SEC16B: variants seen among roughly 807,000 people sequenced by gnomAD.
The protein encoded by SEC16B is protein transport protein Sec16B.
In SEC16B, 115 loss-of-function variants were observed where a neutral mutation model predicts 141.8. The observed-to-expected ratio is 0.81, with a 90% CI of 0.70 to 0.95. SEC16B has a LOEUF of 0.95. SEC16B is among the 40% of genes least tolerant of loss of function. The pLI, the probability that SEC16B is intolerant of heterozygous loss-of-function variation, is 0.00. For synonymous variants in SEC16B, 493 were observed against 492.5 expected (o/e 1.00, Z -0.01); for missense variants, 1,291 against 1,312.3 (o/e 0.98, Z 0.25).
At chr1:177,968,504 T>C (rs1274229824) in intron 1 of SEC16B, among the ~76,000 whole-genome samples, 1 of 152,186 alleles carries the variant, frequency 6.6e-6, no homozygotes, top group Non-Finnish European at 1.5e-5. Flanking sequence ...CAAGCCTCAA[T>C]TTCCTTACCC....
Position 177,960,343 on chromosome 1 carries a change from TA to T in SEC16B, c.996del (p.Arg333GlyfsTer10). Reference protein sequence around the residue: ...EEMRSFSGPLIREDVHKVDIM... With the variant: ...EEMRSFSGPLXREDVHKVDIM... ...TCAGCAGCTCTTACAGCACTATACC[TA>T]ATCAAGGGTCCTGAGAAACTTCTCA... On this transcript the variant is annotated frameshift_variant and splice_region_variant, in exon 8 of 26. Coordinates refer to ENST00000308284, the MANE Select transcript of SEC16B (RefSeq NM_033127.4). LOFTEE classifies it high-confidence loss of function. 6.3e-7 allele frequency: 1 copy of T among 1,594,922 alleles called. No individual in the cohort carries two copies. Among genetic ancestry groups the T allele is most frequent in the Non-Finnish European group, 8.6e-7 (1 of 1,164,830 alleles).
chr1:177,961,308 T>C, intron 6 of SEC16B: 1 of 469,252 alleles, frequency 2.1e-6, no homozygotes, highest in Non-Finnish European at 3.7e-6. Context: ...TTTTCCTAAT[T>C]CTCTCTGGTC....
At position 177,960,340 on chromosome 1, in the gene SEC16B, A is replaced by G. The variant is rs1463975248; in HGVS notation, c.998+2T>C. 5.0e-6 allele frequency: 8 copies of G among 1,591,350 alleles called. No homozygotes were observed. The East Asian group carries it at 1.6e-4, about 31-fold the overall frequency. On this transcript the variant is annotated splice_donor_variant, in intron 8 of 25. Transcript: ENST00000308284. LOFTEE classifies it high-confidence loss of function. ...TACTCAGCAGCTCTTACAGCACTAT[A>G]CCTAATCAAGGGTCCTGAGAAACTT...
At chr1:177,978,700 CAAATAAATAAAT>C (rs3040686) in intron 1 of SEC16B, among the ~76,000 whole-genome samples, 1,458 of 137,590 alleles carry the variant, frequency 0.011, 23 homozygotes, top group African/African-American at 0.031. Flanking sequence ...GACCCTGTCT[CAAATAAATAAAT>C]AAATAAATAA....
chr1:177,937,765 C>A (rs1331717733), intron 18 of SEC16B, among the ~76,000 whole-genome samples: 1 of 152,198 alleles, frequency 6.6e-6, no homozygotes, highest in South Asian at 2.1e-4. Context: ...CTAAGCTCCT[C>A]CATTGACTTA....
rs1328570013 is a variant in SEC16B, at chr1:177,960,063, G to A, written c.998+279C>T. On this transcript the variant is annotated intron_variant, in intron 8 of 25. Transcript: ENST00000308284. ...CTAACATCTATCAAGCACACGGAAT[G>A]CTAAAACTTCCAACCATGCAGCCTC... 9.4e-6 allele frequency: 4 copies of A among 424,278 alleles called. No homozygotes were observed. The East Asian group carries it at 1.6e-4, about 17-fold the overall frequency. 26.3% of individuals were successfully genotyped at this position (424,278 alleles called of 1,614,324 possible).
At chr1:177,958,045 C>G (rs1360068487) in intron 10 of SEC16B, 87 bp downstream of exon 10, 2 of 911,060 alleles carry the variant, frequency 2.2e-6, no homozygotes, top group East Asian at 3.0e-5. Context: ...TGAGTATATA[C>G]TATTCACATA....
intron 11 of SEC16B, 39 bp from the exon 12 acceptor site, chr1:177,952,034 G>A (rs752916891): frequency 3.6e-5 from 55 of 1,544,582 alleles, no homozygotes; most frequent in Non-Finnish European, 4.6e-5. Context: ...CCAAGCCCAG[G>A]GAACCTCTTT....
At chr1:177,944,316 A>C (rs555713033) in intron 15 of SEC16B, among the ~76,000 whole-genome samples, 2 of 152,330 alleles carry the variant, frequency 1.3e-5, no homozygotes, top group South Asian at 4.1e-4. Flanking sequence ...GGACGTTCAA[A>C]CATCAGCAGT....
chr1:177,938,463 G>A (rs192178307), intron 18 of SEC16B, among the ~76,000 whole-genome samples: 7 of 152,308 alleles, frequency 4.6e-5, no homozygotes, highest in African/African-American at 7.2e-5. Flanking sequence ...TGTTAAATAT[G>A]TATGTTTGAT....
At chr1:177,959,539 C>A (rs1316822322) in intron 8 of SEC16B, 3 of 161,220 alleles carry the variant, frequency 1.9e-5, no homozygotes, top group Admixed American at 1.2e-4. Context: ...TATCTGTATA[C>A]CTGTTTGTAA....
chr1:177,938,252 T>C (rs1393603086), intron 18 of SEC16B, among the ~76,000 whole-genome samples: 1 of 152,178 alleles, frequency 6.6e-6, no homozygotes, highest in Non-Finnish European at 1.5e-5. Flanking sequence ...ATGAACTGGG[T>C]CTGGCCAGTT....
intron 15 of SEC16B, among the ~76,000 whole-genome samples, chr1:177,943,091 G>C (rs1426677055): frequency 6.6e-6 from 1 of 152,156 alleles, no homozygotes; most frequent in African/African-American, 2.4e-5. Flanking sequence ...CACAAGAAGA[G>C]TAATGCCACA....
At chr1:177,947,726 AG>A (rs1328314995) in intron 13 of SEC16B, 98 bp downstream of exon 13, 1 of 557,312 alleles carries the variant, frequency 1.8e-6, no homozygotes, top group African/African-American at 2.3e-5. Context: ...AGGGGAGGTG[AG>A]GAGAGGGACG....
chr1:177,968,577 C>A (rs77706681), intron 1 of SEC16B, among the ~76,000 whole-genome samples: 1 of 152,130 alleles, frequency 6.6e-6, no homozygotes, highest in South Asian at 2.1e-4. Flanking sequence ...ATAACCTATG[C>A]GAAGTGCGTA....
At chr1:177,940,766 G>C (rs1651217486) in intron 16 of SEC16B, 52 bp from the exon 17 acceptor site, 3 of 1,280,914 alleles carry the variant, frequency 2.3e-6, no homozygotes, top group Admixed American at 1.8e-5. Flanking sequence ...GAGGAGAGGA[G>C]AGAGAGGGAA....
chr1:177,960,865 C>T lies in SEC16B; in HGVS notation c.862G>A (p.Gly288Ser), dbSNP rs748012974. Residue 288 changes from glycine (G) to serine (S), a missense_variant, in exon 7 of 26, where the codon GGT becomes AGT. Physicochemically the swap from Gly to Ser is moderately conservative, Grantham distance 56 (BLOSUM62 0). This residue lies in a region of SEC16B where 681 missense variants were observed against 675.5 expected (regional missense o/e 1.01). Transcript: ENST00000308284. ...PHVPVSFGPG[G>S]QLVHVGPSSP... Reference sequence around the variant, plus strand: ...CTGGGACCTACATGCACCAGCTGACCTCCTGGCCCGAAACTCACAGGAACA... The same window carrying T: ...CTGGGACCTACATGCACCAGCTGACTTCCTGGCCCGAAACTCACAGGAACA... 2 of 1,603,012 alleles carry T rather than the reference C, an allele frequency of 1.2e-6. No homozygotes were observed. Among genetic ancestry groups the T allele is most frequent in the Admixed American group, 1.7e-5 (1 of 59,054 alleles).
Position 177,958,276 on chromosome 1 carries a change from G to T in SEC16B, c.1221C>A (p.Asn407Lys). 6.2e-7 allele frequency: 1 copy of T among 1,610,896 alleles called. No individual in the cohort carries two copies. Among genetic ancestry groups the T allele is most frequent in the Non-Finnish European group, 8.5e-7 (1 of 1,178,504 alleles). ...EKYKRQPPVA[N>K]LINLTDEDWP... ...AGTCCTCATCGGTCAGGTTGATGAG[G>T]TTGGCCACAGGGGGCTGCCGCTTGT... Residue 407 changes from asparagine (N) to lysine (K), a missense_variant, in exon 10 of 26, where the codon AAC (asparagine) becomes AAA (lysine). This residue lies in a region of SEC16B where 681 missense variants were observed against 675.5 expected (regional missense o/e 1.01). Coordinates refer to ENST00000308284, the MANE Select transcript of SEC16B (RefSeq NM_033127.4).
Position 177,929,904 on chromosome 1 carries a change from C to T in SEC16B, c.3137G>A (p.Arg1046Gln), listed in dbSNP as rs749603513. 13 of 1,613,706 alleles carry T rather than the reference C, an allele frequency of 8.1e-6. No homozygotes were observed. The highest frequency in any genetic ancestry group is 2.7e-5 in the African/African-American group (2 of 74,886). Residue 1046 changes from arginine (R) to glutamine (Q), a missense_variant, in exon 26 of 26, where the codon CGG (arginine) becomes CAG (glutamine). By Grantham distance (43) the Arg-to-Gln change is conservative. Transcript: ENST00000308284. ...PQLPTATSLN[R>Q]PNRLAQRRYP... ...GCGACGCTGAGCTAGGCGATTTGGC[C>T]GATTCAGGCTAGTGGCCGTGGGCAG...
Sources: allele counts gnomAD v4.1 joint callset (sites outside exome capture counted in the v4.1 genomes callset), GRCh38; gene constraint gnomAD v4.1.1; regional missense constraint gnomAD v4.1.1; transcripts MANE v1.5; gene names NCBI Gene and HGNC (gene_info 2026-07-23, HGNC 2026-07-21).